Variants in GPM6B observed in about 807,000 individuals in gnomAD.
GPM6B encodes the protein glycoprotein M6B.
Under a neutral mutation model 27.2 loss-of-function variants are expected in GPM6B, and 4 were observed. The ratio of observed to expected loss-of-function variants is 0.15; its 90% CI spans 0.07 to 0.34. GPM6B has a LOEUF of 0.34. Among genes scored for constraint, GPM6B ranks in the 10% least tolerant of loss-of-function variants. The pLI, the probability that GPM6B is intolerant of heterozygous loss-of-function variation, is 1.00. For missense variants in GPM6B, 183 were observed against 261.9 expected (o/e 0.70, Z 2.08); for synonymous variants, 124 against 103.1 (o/e 1.20, Z -1.23).
intron 1 of GPM6B, among the ~76,000 whole-genome samples, chrX:13,861,087 CAT>C (rs1178395378): frequency 3.7e-5 from 4 of 107,514 alleles, no homozygotes; most frequent in Non-Finnish European, 5.7e-5. Context: ...CATATACACA[CAT>C]ATATACACAT....
intron 1 of GPM6B, among the ~76,000 whole-genome samples, chrX:13,870,864 A>G (rs757452492): frequency 8.2e-5 from 9 of 109,911 alleles, no homozygotes; most frequent in Non-Finnish European, 1.7e-4. Flanking sequence ...CTATTTAAAG[A>G]AGTTAGACCA....
At chrX:13,792,897 TAAAAA>T (rs748291980) in intron 2 of GPM6B, among the ~76,000 whole-genome samples, 1 of 80,948 alleles carries the variant, frequency 1.2e-5, no homozygotes, top group Non-Finnish European at 2.3e-5. Flanking sequence ...AGACTCCGTT[TAAAAA>T]AAAAAAAAAA....
chrX:13,851,070 G>A (rs2049710884), intron 1 of GPM6B, among the ~76,000 whole-genome samples: 1 of 105,788 alleles, frequency 9.5e-6, no homozygotes, highest in South Asian at 4.3e-4. Flanking sequence ...GGCTGAGGCA[G>A]GAGAATCGCT....
At chrX:13,803,038 C>T (rs1230226079) in intron 2 of GPM6B, among the ~76,000 whole-genome samples, 12 of 111,909 alleles carry the variant, frequency 1.1e-4, no homozygotes, top group Non-Finnish European at 1.9e-5. Flanking sequence ...GAGAAGACCT[C>T]GAACTTAGTG....
intron 2 of GPM6B, among the ~76,000 whole-genome samples, chrX:13,792,659 T>A (rs1371190710): frequency 8.9e-6 from 1 of 111,907 alleles, no homozygotes; most frequent in Non-Finnish European, 1.9e-5. Flanking sequence ...CCCAGCACTT[T>A]GGGAGACCAG....
intron 2 of GPM6B, among the ~76,000 whole-genome samples, chrX:13,790,034 T>G (rs2048684826): frequency 1.8e-5 from 2 of 111,682 alleles, no homozygotes; most frequent in Non-Finnish European, 3.8e-5. Flanking sequence ...TTAATTTTTT[T>G]GTAGTGACAG....
chrX:13,828,694 G>A (rs952540876), intron 1 of GPM6B, among the ~76,000 whole-genome samples: 1 of 111,177 alleles, frequency 9.0e-6, no homozygotes. Flanking sequence ...TGGGCTCAAC[G>A]CTGTGTCCAG....
At chrX:13,844,979 G>A (rs921869514) in intron 1 of GPM6B, among the ~76,000 whole-genome samples, 4 of 104,204 alleles carry the variant, frequency 3.8e-5, no homozygotes, top group East Asian at 3.3e-4. Flanking sequence ...TTTTCAGAAC[G>A]TTTTTTCTTT....
At chrX:13,900,171 A>G (rs375341433) in intron 1 of GPM6B, among the ~76,000 whole-genome samples, 1 of 112,135 alleles carries the variant, frequency 8.9e-6, no homozygotes, top group African/African-American at 3.2e-5. Context: ...AAAATGCACA[A>G]TAAAAAACAC....
intron 1 of GPM6B, among the ~76,000 whole-genome samples, chrX:13,840,606 C>T (rs1311778563): frequency 2.7e-5 from 3 of 111,770 alleles, no homozygotes; most frequent in Admixed American, 9.4e-5. Context: ...CCACCCCCAG[C>T]GAATCTTCCT....
intron 3 of GPM6B, among the ~76,000 whole-genome samples, chrX:13,784,602 T>C (rs748105160): frequency 5.4e-5 from 6 of 111,918 alleles, no homozygotes; most frequent in South Asian, 3.8e-4. Flanking sequence ...ACTGGAACTT[T>C]GGGATTCAAG....
At chrX:13,786,238 T>G (rs2048609895) in intron 2 of GPM6B, among the ~76,000 whole-genome samples, 1 of 112,217 alleles carries the variant, frequency 8.9e-6, no homozygotes, top group African/African-American at 3.2e-5. Context: ...AACAGTCAGG[T>G]CGTCTCCAGC....
At chrX:13,783,147 C>T (rs1034093217) in intron 4 of GPM6B, among the ~76,000 whole-genome samples, 2 of 112,436 alleles carry the variant, frequency 1.8e-5, no homozygotes, top group Non-Finnish European at 3.8e-5. Context: ...CTGATGAAAA[C>T]ATTTGATTTA....
intron 1 of GPM6B, among the ~76,000 whole-genome samples, chrX:13,864,517 C>T (rs905889838): frequency 1.8e-5 from 2 of 112,881 alleles, no homozygotes; most frequent in African/African-American, 6.4e-5. Flanking sequence ...GCTCTGACTT[C>T]AGCATATTGC....
rs955497127 is a variant in GPM6B, at chrX:13,781,304, G to A, written c.526-1315C>T. Reference sequence around the variant, plus strand: ...GCACAAACCTCCCACACAGGACTACGAAAGAAAAATCTCCAGACCCCCAAA... The same window carrying A: ...GCACAAACCTCCCACACAGGACTACAAAAGAAAAATCTCCAGACCCCCAAA... On this transcript the variant is annotated intron_variant, in intron 4 of 7. Transcript: ENST00000316715. 4.5e-5 allele frequency among the ~76,000 whole-genome samples: 5 copies of A among 111,812 alleles called. No homozygotes were observed. In the East Asian group the frequency reaches 1.1e-3, roughly 25 times the overall value.
chrX:13,810,692 T>G (rs1374844114), intron 1 of GPM6B, among the ~76,000 whole-genome samples: 1 of 106,046 alleles, frequency 9.4e-6, no homozygotes, highest in African/African-American at 3.5e-5. Context: ...AATGTTAACG[T>G]GTTTTCTGAG....
chrX:13,835,662 G>C (rs927673708), intron 1 of GPM6B, among the ~76,000 whole-genome samples: 2 of 112,135 alleles, frequency 1.8e-5, no homozygotes, highest in African/African-American at 6.5e-5. Flanking sequence ...GCTAGATTAA[G>C]TATTAAATAC....
intron 1 of GPM6B, among the ~76,000 whole-genome samples, chrX:13,928,759 A>C (rs1001165226): frequency 1.3e-4 from 15 of 112,383 alleles, no homozygotes; most frequent in African/African-American, 4.5e-4. Flanking sequence ...GACCCAATGC[A>C]CATACAATAT....
rs370314838 is a variant in GPM6B at position 13,855,342 on chromosome X, A to G, written c.-197-69534T>C. ...CTCCCCTGACTTTTAAGGCCATGTT[A>G]AGTTTGCTCAGTTTCGACTTTTATA... is the stretch of plus-strand genomic sequence containing the variant. On this transcript the variant is annotated intron_variant, in intron 1 of 6. Coordinates refer to the GPM6B transcript ENST00000398361. Among the ~76,000 whole-genome samples the G allele has an allele frequency of 8.0e-5, 9 of 112,132 alleles. No individual in the cohort carries two copies. In the South Asian group the frequency reaches 2.6e-3, roughly 32 times the overall value.
Sources: allele counts gnomAD v4.1 joint callset (sites outside exome capture counted in the v4.1 genomes callset), GRCh38; gene constraint gnomAD v4.1.1; transcripts MANE v1.5; gene names NCBI Gene and HGNC (gene_info 2026-07-23, HGNC 2026-07-21).